The following BACH2 variants were observed in gnomAD, a reference collection of about 807,000 sequenced individuals.
The protein encoded by BACH2 is BACH transcriptional regulator 2, also known as transcription regulator protein BACH2.
Under a neutral mutation model 61.8 loss-of-function variants are expected in BACH2, and 5 were observed. The ratio of observed to expected loss-of-function variants is 0.08; its 90% CI spans 0.04 to 0.17. The LOEUF (loss-of-function observed/expected upper bound fraction) is 0.17. Ranked by LOEUF, BACH2 falls within the 10% of genes least tolerant of loss-of-function variation. The probability of loss-of-function intolerance (pLI) is 1.00; values close to 1 mark genes in which losing one functional copy is unlikely to be tolerated. For synonymous variants in BACH2, 446 were observed against 440.1 expected (o/e 1.01, Z -0.17); for missense variants, 824 against 1,091.1 (o/e 0.76, Z 3.45).
At chr6:90,000,006 G>A (rs1777051081) in intron 6 of BACH2, among the ~76,000 whole-genome samples, 1 of 152,182 alleles carries the variant, frequency 6.6e-6, no homozygotes, top group Admixed American at 6.5e-5. Context: ...TGCCAAAAGA[G>A]GAACACATTT....
intron 7 of BACH2, among the ~76,000 whole-genome samples, chr6:89,940,832 T>C (rs1773380970): frequency 6.7e-6 from 1 of 149,782 alleles, no homozygotes; most frequent in Non-Finnish European, 1.5e-5. Flanking sequence ...CTAATATAAT[T>C]ATTAATGAGA....
At chr6:90,211,126 CAAAAAAA>C (rs3072672) in intron 3 of BACH2, among the ~76,000 whole-genome samples, 1 of 45,350 alleles carries the variant, frequency 2.2e-5, no homozygotes, top group South Asian at 1.4e-3. Context: ...GACTCCATCT[CAAAAAAA>C]AAAAAAAAAA....
intron 6 of BACH2, among the ~76,000 whole-genome samples, chr6:89,986,697 T>A (rs1433581929): frequency 6.6e-6 from 1 of 152,186 alleles, no homozygotes; most frequent in African/African-American, 2.4e-5. Context: ...CCATCTGAAT[T>A]GTATACTTGA....
At chr6:89,953,212 C>T (rs1774233429) in intron 6 of BACH2, 1 of 152,218 alleles carries the variant, frequency 6.6e-6, no homozygotes, top group Non-Finnish European at 1.5e-5. Context: ...TCAACCTGGA[C>T]ATTCACTCCT....
intron 4 of BACH2, among the ~76,000 whole-genome samples, chr6:90,153,801 T>C (rs1784903599): frequency 6.6e-6 from 1 of 152,158 alleles, no homozygotes; most frequent in African/African-American, 2.4e-5. Flanking sequence ...CTAGAGAAAA[T>C]AATTCTTTCC....
intron 5 of BACH2, among the ~76,000 whole-genome samples, chr6:90,042,905 A>C (rs1192830848): frequency 3.3e-5 from 5 of 152,200 alleles, no homozygotes; most frequent in African/African-American, 1.2e-4. Context: ...AGTCTAGGTG[A>C]GTGATGATGA....
At chr6:89,938,054 TTCTG>T (rs1299489592) in intron 8 of BACH2, 86 bp downstream of exon 8, 107 of 1,268,930 alleles carry the variant, frequency 8.4e-5, no homozygotes, top group Non-Finnish European at 1.1e-4. Flanking sequence ...AGGGTGACCC[TTCTG>T]TCTACTTTTC....
chr6:89,956,432 G>A (rs201301771), intron 6 of BACH2, among the ~76,000 whole-genome samples: 7 of 152,200 alleles, frequency 4.6e-5, no homozygotes, highest in African/African-American at 1.4e-4. Flanking sequence ...TACCGTGTCC[G>A]ATGGTGCAAG....
intron 5 of BACH2, among the ~76,000 whole-genome samples, chr6:90,018,684 T>G (rs1486451558): frequency 6.6e-6 from 1 of 152,196 alleles, no homozygotes; most frequent in Middle Eastern, 3.2e-3. Flanking sequence ...CTGCTATATA[T>G]AATGGTTTGT....
intron 1 of BACH2, among the ~76,000 whole-genome samples, chr6:90,287,794 T>C (rs1188091352): frequency 6.6e-6 from 1 of 152,366 alleles, no homozygotes; most frequent in Non-Finnish European, 1.5e-5. Flanking sequence ...CTTTGTCTCC[T>C]ATTAACATGC....
chr6:89,947,566 CTT>C (rs1265979804), intron 7 of BACH2, among the ~76,000 whole-genome samples: 1 of 151,194 alleles, frequency 6.6e-6, no homozygotes, highest in Admixed American at 6.6e-5. Context: ...ATGGATTTTT[CTT>C]TCTTTTTTTT....
chr6:90,145,029 A>G (rs1225260767), intron 4 of BACH2, among the ~76,000 whole-genome samples: 1 of 152,168 alleles, frequency 6.6e-6, no homozygotes, highest in African/African-American at 2.4e-5. Context: ...CACTCTCTCA[A>G]ACACTCCCTC....
intron 4 of BACH2, among the ~76,000 whole-genome samples, chr6:90,192,052 T>C (rs1768592849): frequency 6.6e-6 from 1 of 152,232 alleles, no homozygotes; most frequent in Non-Finnish European, 1.5e-5. Flanking sequence ...ATTGGTGGGT[T>C]TTAAGTCTTT....
chr6:90,192,656 A>C (rs996533711), intron 4 of BACH2, among the ~76,000 whole-genome samples: 3 of 152,204 alleles, frequency 2.0e-5, no homozygotes, highest in African/African-American at 7.2e-5. Flanking sequence ...AAATCACTCT[A>C]ACCACAAGCT....
At chr6:90,206,824 C>T (rs372614581) in intron 3 of BACH2, 143 bp from the exon 4 acceptor site, 2 of 152,360 alleles carry the variant, frequency 1.3e-5, no homozygotes, top group South Asian at 4.1e-4. Context: ...TCAGATGTGG[C>T]TATTATTGAG....
At chr6:90,294,103 T>C (rs1582575618) in intron 1 of BACH2, among the ~76,000 whole-genome samples, 1 of 151,312 alleles carries the variant, frequency 6.6e-6, no homozygotes, top group Admixed American at 6.6e-5. Flanking sequence ...CTAACAGGAG[T>C]GTTCACAATT....
Position 90,063,662 on chromosome 6 carries a change from T to C in BACH2, c.-13+25299A>G, listed in dbSNP as rs114349494. On this transcript the variant is annotated intron_variant, in intron 5 of 8. Coordinates refer to ENST00000257749, the MANE Select transcript of BACH2 (RefSeq NM_021813.4). ...ATATTTGTTTCACTCTGAACAAGCA[T>C]TGGAGCCCTTTTGAACTTCAATTTT... Among the ~76,000 whole-genome samples the C allele has an allele frequency of 6.9e-3, 1,056 of 152,104 alleles. 10 individuals are homozygous for C. Among genetic ancestry groups the C allele is most frequent in the African/African-American group, 0.024 (987 of 41,360 alleles).
At chr6:90,250,359 T>C (rs757144657) in intron 3 of BACH2, among the ~76,000 whole-genome samples, 1 of 152,206 alleles carries the variant, frequency 6.6e-6, no homozygotes, top group Non-Finnish European at 1.5e-5. Flanking sequence ...AAAACAGTTG[T>C]TTTAGAAATC....
Position 90,248,091 on chromosome 6 carries a change from T to C in BACH2, c.-275+4422A>G, listed in dbSNP as rs1770696315. 2.6e-5 allele frequency among the ~76,000 whole-genome samples: 4 copies of C among 152,202 alleles called. No homozygotes were observed. In the South Asian group the frequency reaches 6.2e-4, roughly 24 times the overall value. The stretch of plus-strand genomic sequence containing the variant: ...TAATTTTATTCCTCATTGTGTCTCT[T>C]TGCTATCTCCCCAAGGTGAGACCTC... On this transcript the variant is annotated intron_variant, in intron 3 of 8. Coordinates refer to ENST00000257749, the MANE Select transcript of BACH2 (RefSeq NM_021813.4).
Sources: gnomAD v4.1 joint callset for allele counts (sites outside exome capture counted in the v4.1 genomes callset) on GRCh38, gnomAD v4.1.1 for gene constraint, MANE v1.5 for transcripts, NCBI Gene and HGNC (gene_info 2026-07-23, HGNC 2026-07-21) for gene names.